The following MGAT4C variants were observed in gnomAD, a reference collection of about 807,000 sequenced individuals.
MGAT4C encodes alpha-1,3-mannosyl-glycoprotein 4-beta-N-acetylglucosaminyltransferase C.
In MGAT4C, 19 loss-of-function variants were observed where a neutral mutation model predicts 40.1. That is an observed-to-expected ratio of 0.47 (90% CI 0.33 to 0.70). The LOEUF is 0.70. MGAT4C is among the 30% of genes least tolerant of loss of function. The pLI is 0.02. For missense variants in MGAT4C, 491 were observed against 563.2 expected (o/e 0.87, Z 1.30); for synonymous variants, 181 against 187.1 (o/e 0.97, Z 0.27).
chr12:85,989,613 G>C, intron 2 of MGAT4C, 61 bp from the exon 3 acceptor site: 2 of 1,434,774 alleles, frequency 1.4e-6, no homozygotes, highest in Non-Finnish European at 1.9e-6. Flanking sequence ...TTTCTTTATC[G>C]CATATATAAA....
chr12:86,050,214 G>A (rs558844564), intron 1 of MGAT4C, among the ~76,000 whole-genome samples: 1 of 151,872 alleles, frequency 6.6e-6, no homozygotes, highest in African/African-American at 2.4e-5. Context: ...ACATATAAAA[G>A]GTTACAACAT....
intron 3 of MGAT4C, among the ~76,000 whole-genome samples, chr12:86,401,262 G>A (rs890978680): frequency 1.1e-3 from 20 of 17,670 alleles, no homozygotes; most frequent in East Asian, 4.4e-3. Flanking sequence ...ATATATATAT[G>A]TGTGTGTGTG....
intron 1 of MGAT4C, among the ~76,000 whole-genome samples, chr12:86,756,419 A>AT (rs35597176): frequency 3.8e-4 from 57 of 149,194 alleles, no homozygotes; most frequent in African/African-American, 7.1e-4. Flanking sequence ...GCAACATACG[A>AT]TTTTTTTTTT....
rs1454451926 is a variant in MGAT4C at position 86,452,183 on chromosome 12, A to ATTCTTTTTTTT, written c.-228-16929_-228-16919dup. On this transcript the variant is annotated intron_variant, in intron 2 of 7. Coordinates refer to the MGAT4C transcript ENST00000548651. The stretch of plus-strand genomic sequence containing the variant: ...AAAGTGTGCAGTACTAACTAGGGCC[A>ATTCTTTTTTTT]TTCTTTTTTTTTTCTTTTTTTTTTA... 6.0e-5 allele frequency among the ~76,000 whole-genome samples: 9 copies of ATTCTTTTTTTT among 149,168 alleles called. No homozygotes were observed. The South Asian group carries it at 1.5e-3, about 24-fold the overall frequency.
At chr12:86,816,723 T>C (rs1952614772) in intron 1 of MGAT4C, among the ~76,000 whole-genome samples, 1 of 151,776 alleles carries the variant, frequency 6.6e-6, no homozygotes, top group Admixed American at 6.6e-5. Flanking sequence ...AATGTGTGTG[T>C]CTGTGTATTG....
At chr12:86,797,186 T>C (rs1200309929) in intron 1 of MGAT4C, among the ~76,000 whole-genome samples, 1 of 151,926 alleles carries the variant, frequency 6.6e-6, no homozygotes, top group Admixed American at 6.6e-5. Flanking sequence ...TCCTCTGTTC[T>C]ATAATTTTTA....
intron 2 of MGAT4C, among the ~76,000 whole-genome samples, chr12:86,535,933 T>G (rs1959060706): frequency 6.6e-6 from 1 of 152,116 alleles, no homozygotes; most frequent in Admixed American, 6.6e-5. Context: ...ATTATGTGTT[T>G]TCTTAATCTT....
At chr12:86,763,220 G>A (rs1276762532) in intron 1 of MGAT4C, among the ~76,000 whole-genome samples, 1 of 152,162 alleles carries the variant, frequency 6.6e-6, no homozygotes, top group Non-Finnish European at 1.5e-5. Context: ...TGGCAAAAGT[G>A]TGAATTATCT....
chr12:86,786,950 C>T (rs1183373893), intron 1 of MGAT4C, among the ~76,000 whole-genome samples: 1 of 151,976 alleles, frequency 6.6e-6, no homozygotes, highest in African/African-American at 2.4e-5. Flanking sequence ...TAAGTTCACC[C>T]TTTGATTATG....
chr12:86,570,752 T>C (rs1232770151), intron 2 of MGAT4C, among the ~76,000 whole-genome samples: 1 of 152,128 alleles, frequency 6.6e-6, no homozygotes, highest in Non-Finnish European at 1.5e-5. Flanking sequence ...CATATACAAC[T>C]ACTTCAATTA....
chr12:86,728,545 G>T (rs1950860040), intron 1 of MGAT4C, among the ~76,000 whole-genome samples: 1 of 152,130 alleles, frequency 6.6e-6, no homozygotes, highest in Non-Finnish European at 1.5e-5. Flanking sequence ...ACAAAAATTA[G>T]CCTGGCATAG....
rs1277566747 is a variant in MGAT4C at position 85,976,452 on chromosome 12, C to T, written c.*2837G>A. On this transcript the variant is annotated 3_prime_UTR_variant, in exon 5 of 5. Transcript: ENST00000611864. Reference sequence around the variant, plus strand: ...TTGATGTCCATAACTGCTGAAAAGGCTCCCCTAAGGAGAATTTTAAGACTA... The same window carrying T: ...TTGATGTCCATAACTGCTGAAAAGGTTCCCCTAAGGAGAATTTTAAGACTA... 6.6e-6 allele frequency: 1 copy of T among 150,530 alleles called. No individual in the cohort carries two copies. Among genetic ancestry groups the T allele is most frequent in the African/African-American group, 2.4e-5 (1 of 41,210 alleles). The allele number at this position is 150,530 out of a possible 1,614,324, so 9.3% of individuals were successfully genotyped here. A position where few individuals can be genotyped will look rare whatever the true frequency, so the allele number is the denominator to read the frequency against.
intron 1 of MGAT4C, among the ~76,000 whole-genome samples, chr12:86,754,259 T>G (rs1951266712): frequency 6.6e-6 from 1 of 152,054 alleles, no homozygotes; most frequent in African/African-American, 2.4e-5. Flanking sequence ...TACTTGATAA[T>G]GTCATATAAA....
chr12:86,356,592 G>C (rs1186826849), intron 3 of MGAT4C, among the ~76,000 whole-genome samples: 1 of 152,096 alleles, frequency 6.6e-6, no homozygotes, highest in African/African-American at 2.4e-5. Flanking sequence ...CGTGACAGAT[G>C]GTACCTGGAA....
intron 2 of MGAT4C, among the ~76,000 whole-genome samples, chr12:86,601,723 G>A (rs941269146): frequency 6.6e-6 from 1 of 152,056 alleles, no homozygotes; most frequent in African/African-American, 2.4e-5. Flanking sequence ...CTTTGCCAGC[G>A]GCCACCCCAC....
intron 3 of MGAT4C, among the ~76,000 whole-genome samples, chr12:86,338,831 C>T (rs1204893472): frequency 6.6e-6 from 1 of 151,704 alleles, no homozygotes; most frequent in East Asian, 1.9e-4. Context: ...TGGTGGCACA[C>T]ACCTGTAGTC....
At chr12:86,489,150 G>A (rs532722449) in intron 2 of MGAT4C, among the ~76,000 whole-genome samples, 4 of 152,226 alleles carry the variant, frequency 2.6e-5, no homozygotes, top group African/African-American at 7.2e-5. Flanking sequence ...GAAGCAGCTG[G>A]ATATCAGGGA....
intron 4 of MGAT4C, among the ~76,000 whole-genome samples, chr12:86,297,150 TTAAG>T (rs1953702519): frequency 6.6e-6 from 1 of 152,348 alleles, no homozygotes; most frequent in South Asian, 2.1e-4. Context: ...ACATGGAAGT[TTAAG>T]TAATACTTTA....
At chr12:86,371,202 T>C (rs1452217833) in intron 3 of MGAT4C, among the ~76,000 whole-genome samples, 1 of 152,030 alleles carries the variant, frequency 6.6e-6, no homozygotes, top group South Asian at 2.1e-4. Context: ...CTATATCTTA[T>C]TAGTCACCAA....
Sources: allele counts gnomAD v4.1 joint callset (sites outside exome capture counted in the v4.1 genomes callset), GRCh38; gene constraint gnomAD v4.1.1; transcripts MANE v1.5; gene names NCBI Gene and HGNC (gene_info 2026-07-23, HGNC 2026-07-21).